Variants in SEC24D observed in about 807,000 individuals in gnomAD.
The protein encoded by SEC24D is SEC24 homolog D, COPII component, also known as protein transport protein Sec24D.
SEC24D carries 69 observed loss-of-function variants against 116.9 expected under a neutral mutation model. That is an observed-to-expected ratio of 0.59 (90% CI 0.49 to 0.72). The LOEUF (loss-of-function observed/expected upper bound fraction) is 0.72. SEC24D is among the 30% of genes least tolerant of loss of function. The pLI is 0.00. For synonymous variants in SEC24D, 405 were observed against 442.8 expected (o/e 0.91, Z 1.07); for missense variants, 1,131 against 1,264.1 (o/e 0.89, Z 1.60).
intron 8 of SEC24D, among the ~76,000 whole-genome samples, chr4:118,775,001 T>G (rs1728065539): frequency 6.6e-6 from 1 of 152,208 alleles, no homozygotes; most frequent in Admixed American, 6.5e-5. Context: ...TGTCTAATCC[T>G]GGACCATGTC....
At chr4:118,819,250 T>C (rs11731153) in intron 3 of SEC24D, among the ~76,000 whole-genome samples, 87,840 of 151,894 alleles carry the variant, frequency 0.58, 25,986 homozygotes, top group East Asian at 0.66. Flanking sequence ...AAACTTTGTC[T>C]GCGGGGCGTG....
intron 8 of SEC24D, among the ~76,000 whole-genome samples, chr4:118,792,652 C>T (rs759181303): frequency 2.6e-5 from 4 of 152,150 alleles, no homozygotes; most frequent in Non-Finnish European, 2.9e-5. Context: ...GGATTAAGGG[C>T]GGTGCAAGAT....
At chr4:118,829,481 C>T (rs777909984) in intron 2 of SEC24D, among the ~76,000 whole-genome samples, 28 of 152,196 alleles carry the variant, frequency 1.8e-4, no homozygotes, top group Non-Finnish European at 3.4e-4. Flanking sequence ...CACTGCAATC[C>T]AGCCTGAGTA....
intron 8 of SEC24D, among the ~76,000 whole-genome samples, chr4:118,791,766 C>G (rs1279830366): frequency 6.6e-6 from 1 of 152,184 alleles, no homozygotes; most frequent in African/African-American, 2.4e-5. Flanking sequence ...CCGCGAGTGA[C>G]CTGCCAGCCT....
At chr4:118,735,533 A>G (rs964053915) in intron 19 of SEC24D, among the ~76,000 whole-genome samples, 2 of 152,128 alleles carry the variant, frequency 1.3e-5, no homozygotes, top group African/African-American at 4.8e-5. Context: ...TTTTTTAAAA[A>G]GAAAGCTTAT....
rs1044357066 is a variant in SEC24D at position 118,833,742 on chromosome 4, A to C, written c.-41-5T>G. 55 of 1,325,274 alleles carry C rather than the reference A, an allele frequency of 4.2e-5. No homozygotes were observed. The highest frequency in any genetic ancestry group is 5.1e-5 in the Non-Finnish European group (48 of 933,810). 82.1% of individuals were successfully genotyped at this position (1,325,274 alleles called of 1,614,324 possible). A position where few individuals can be genotyped will look rare whatever the true frequency, so the allele number is the denominator to read the frequency against. ...GGATAATTCTACAAAAGAAGTCTGC[A>C]ACAGAGAAACAAGAAACATGTTACC... On this transcript the variant is annotated splice_region_variant and splice_polypyrimidine_tract_variant and intron_variant, in intron 1 of 22. Transcript: ENST00000280551.
chr4:118,783,112 C>T (rs1728502783), intron 8 of SEC24D, among the ~76,000 whole-genome samples: 1 of 152,214 alleles, frequency 6.6e-6, no homozygotes, highest in South Asian at 2.1e-4. Flanking sequence ...GGGCTGCACC[C>T]ACTGTCCAAC....
chr4:118,803,916 T>C (rs1024123929), intron 7 of SEC24D, among the ~76,000 whole-genome samples: 1 of 151,708 alleles, frequency 6.6e-6, no homozygotes, highest in Non-Finnish European at 1.5e-5. Flanking sequence ...ATAATAATAA[T>C]GTTAATTTGT....
chr4:118,804,923 C>CACACACACAT (rs61167863), intron 7 of SEC24D, among the ~76,000 whole-genome samples: 2 of 140,560 alleles, frequency 1.4e-5, no homozygotes, highest in African/African-American at 2.5e-5. Context: ...CACACACACA[C>CACACACACAT]ATATACAAAG....
At chr4:118,779,029 A>G (rs1728274663) in intron 8 of SEC24D, among the ~76,000 whole-genome samples, 1 of 152,234 alleles carries the variant, frequency 6.6e-6, no homozygotes. Flanking sequence ...TTCTAAATAT[A>G]CAATCATGTC....
intron 3 of SEC24D, among the ~76,000 whole-genome samples, chr4:118,820,388 C>T (rs1245707562): frequency 6.6e-6 from 1 of 152,076 alleles, no homozygotes; most frequent in Admixed American, 6.5e-5. Context: ...ACCATGTTGA[C>T]CAAGATGGTC....
intron 11 of SEC24D, among the ~76,000 whole-genome samples, chr4:118,754,432 G>A (rs187974891): frequency 6.6e-6 from 1 of 152,188 alleles, no homozygotes; most frequent in East Asian, 1.9e-4. Context: ...CTACCAATTA[G>A]AAGTCATTTC....
chr4:118,775,345 C>CAAAA lies in SEC24D; in HGVS notation c.1042-7038_1042-7035dup, dbSNP rs55740002. 9.1e-3 allele frequency among the ~76,000 whole-genome samples: 1,044 copies of CAAAA among 114,356 alleles called. 19 individuals are homozygous for CAAAA. Among genetic ancestry groups the CAAAA allele is most frequent in the African/African-American group, 0.041 (981 of 23,934 alleles). 75.0% of individuals were successfully genotyped at this position (114,356 alleles called of 152,430 possible). On this transcript the variant is annotated intron_variant, in intron 8 of 22. Coordinates refer to ENST00000280551, the MANE Select transcript of SEC24D (RefSeq NM_014822.4). Reference sequence around the variant, plus strand: ...TGTGATAGGTGTTAAAGCAAAAGGTCAAAAAAAAAAAAAAAAAAAAGAAGA... The same window carrying CAAAA: ...TGTGATAGGTGTTAAAGCAAAAGGTCAAAAAAAAAAAAAAAAAAAAAAAAGAAGA...
chr4:118,739,416 T>C, intron 17 of SEC24D, 129 bp from the exon 18 acceptor site: 1 of 783,458 alleles, frequency 1.3e-6, no homozygotes, highest in East Asian at 2.8e-5. Context: ...TTTTCCACAG[T>C]TTTTTTTCTA....
chr4:118,786,121 T>C (rs998008823), intron 8 of SEC24D, among the ~76,000 whole-genome samples: 1 of 152,202 alleles, frequency 6.6e-6, no homozygotes, highest in Non-Finnish European at 1.5e-5. Flanking sequence ...AGTCAATTTA[T>C]GCACCTAACT....
At chr4:118,751,382 T>G (rs1207747817) in intron 13 of SEC24D, among the ~76,000 whole-genome samples, 1 of 152,126 alleles carries the variant, frequency 6.6e-6, no homozygotes, top group Non-Finnish European at 1.5e-5. Flanking sequence ...TTCTCCATGT[T>G]GGTCAGGCTG....
At chr4:118,815,226 T>C (rs1730089570) in intron 5 of SEC24D, 71 bp from the exon 6 acceptor site, 2 of 1,560,938 alleles carry the variant, frequency 1.3e-6, no homozygotes, top group Non-Finnish European at 1.8e-6. Context: ...TTGACGATAT[T>C]ATGCTGTTCA....
intron 8 of SEC24D, among the ~76,000 whole-genome samples, chr4:118,772,469 A>G (rs976634142): frequency 2.6e-5 from 4 of 152,262 alleles, no homozygotes; most frequent in African/African-American, 9.6e-5. Flanking sequence ...AGACTATTTT[A>G]TGCATACATT....
At chr4:118,728,976 A>G (rs1367579972) in intron 21 of SEC24D, 1 of 202,432 alleles carries the variant, frequency 4.9e-6, no homozygotes, top group East Asian at 1.2e-4. Context: ...AGCCAACCAC[A>G]GACAAAAATA....
Sources: allele counts gnomAD v4.1 joint callset (sites outside exome capture counted in the v4.1 genomes callset), GRCh38; gene constraint gnomAD v4.1.1; transcripts MANE v1.5; gene names NCBI Gene and HGNC (gene_info 2026-07-23, HGNC 2026-07-21).